MAPKAPK5: variants seen among roughly 807,000 people sequenced by gnomAD.
MAPKAPK5 encodes MAP kinase-activated protein kinase 5.
In MAPKAPK5, 30 loss-of-function variants were observed where a neutral mutation model predicts 65.1. That is an observed-to-expected ratio of 0.46 (90% CI 0.34 to 0.63). The LOEUF is 0.63. Ranked by LOEUF, MAPKAPK5 falls within the 20% of genes least tolerant of loss-of-function variation. MAPKAPK5 has a pLI of 0.01. For missense variants in MAPKAPK5, 433 were observed against 581.4 expected (o/e 0.74, Z 2.63); for synonymous variants, 179 against 204.6 (o/e 0.87, Z 1.07).
chr12:111,889,775 T>G, intron 12 of MAPKAPK5: 1 of 352,986 alleles, frequency 2.8e-6, no homozygotes, highest in South Asian at 3.5e-5. Flanking sequence ...CAATAGAGTC[T>G]GCCACAGCCT....
At chr12:111,860,629 T>A (rs2069407114) in intron 1 of MAPKAPK5, among the ~76,000 whole-genome samples, 1 of 152,162 alleles carries the variant, frequency 6.6e-6, no homozygotes, top group Admixed American at 6.5e-5. Context: ...ACCAGCTGAC[T>A]ATGCTGTAAG....
chr12:111,867,726 G>A, intron 4 of MAPKAPK5, 57 bp downstream of exon 4: 1 of 1,326,014 alleles, frequency 7.5e-7, no homozygotes, highest in Non-Finnish European at 1.1e-6. Context: ...GTGTAGTGGA[G>A]CTGTCCTCTC....
Position 111,883,819 on chromosome 12 carries a change from G to A in MAPKAPK5, c.848+51G>A, listed in dbSNP as rs980183007. On this transcript the variant is annotated intron_variant, in intron 9 of 13. Coordinates refer to ENST00000550735, the MANE Select transcript of MAPKAPK5 (RefSeq NM_003668.4). The surrounding 1 kb of genome is among the most constrained non-coding windows in gnomAD (Gnocchi z 4.8). ...GAGGCCAAGGAGGCCTCCAGGTGGT[G>A]GAGCACAAGGGAATGTGGGTAGAGA... is the stretch of plus-strand genomic sequence containing the variant. 6.4e-6 allele frequency: 10 copies of A among 1,561,856 alleles called. No individual in the cohort carries two copies. Among genetic ancestry groups the A allele is most frequent in the Admixed American group, 5.5e-5 (3 of 54,122 alleles).
chr12:111,889,032 GTGTC>G, intron 12 of MAPKAPK5, 32 bp downstream of exon 12: 2 of 1,552,242 alleles, frequency 1.3e-6, no homozygotes, highest in Admixed American at 2.0e-5. Flanking sequence ...AATCCTCTGT[GTGTC>G]TGTGAGTGTG....
At chr12:111,870,564 C>T (rs1460039689) in intron 6 of MAPKAPK5, among the ~76,000 whole-genome samples, 4 of 152,126 alleles carry the variant, frequency 2.6e-5, no homozygotes, top group Non-Finnish European at 5.9e-5. Flanking sequence ...TTGGATGATA[C>T]TGATATGTAT....
chr12:111,874,936 G>A (rs953686477), intron 7 of MAPKAPK5, among the ~76,000 whole-genome samples: 2 of 151,728 alleles, frequency 1.3e-5, no homozygotes, highest in Non-Finnish European at 1.5e-5. Flanking sequence ...CACCACGCCC[G>A]GCTAATTTTT....
At chr12:111,864,487 C>T (rs927531556) in intron 1 of MAPKAPK5, among the ~76,000 whole-genome samples, 9 of 151,630 alleles carry the variant, frequency 5.9e-5, no homozygotes, top group Non-Finnish European at 7.4e-5. Flanking sequence ...GGTGTGAGCC[C>T]GGCCGAGACC....
intron 7 of MAPKAPK5, among the ~76,000 whole-genome samples, chr12:111,875,845 T>C (rs2069944995): frequency 6.6e-6 from 1 of 152,096 alleles, no homozygotes; most frequent in African/African-American, 2.4e-5. Context: ...CATCTCTCCT[T>C]GGAAGGGCCT....
rs1374708666 is a variant in MAPKAPK5 at position 111,845,402 on chromosome 12, C to T, written c.36+2633C>T. Among the ~76,000 whole-genome samples, 11 of 152,050 alleles carry T rather than the reference C, an allele frequency of 7.2e-5. No homozygotes were observed. In the East Asian group the frequency reaches 7.7e-4, roughly 11 times the overall value. On this transcript the variant is annotated intron_variant, in intron 1 of 13. Transcript: ENST00000550735. Reference sequence around the variant, plus strand: ...AACTCCTGACCTCAGGTTATCTGTCCGCCTTGGCCTCCCAAAGTGTTGGGA... The same window carrying T: ...AACTCCTGACCTCAGGTTATCTGTCTGCCTTGGCCTCCCAAAGTGTTGGGA...
chr12:111,856,597 G>T (rs1290881877), intron 1 of MAPKAPK5, among the ~76,000 whole-genome samples: 1 of 151,686 alleles, frequency 6.6e-6, no homozygotes, highest in Non-Finnish European at 1.5e-5. Context: ...AGTAGAGATG[G>T]GGTTTCACCA....
rs1214194469 is a variant in MAPKAPK5, at chr12:111,900,327, G to A, written c.*7266G>A. On this transcript the variant is annotated 3_prime_UTR_variant, in exon 14 of 14. Transcript: ENST00000550735. ...GGCAGCTGTTGAATCCTTCCATCAT[G>A]AAGATGTGCTGTTGTTTGCAGCCCT... is the stretch of plus-strand genomic sequence containing the variant. The A allele has an allele frequency of 3.1e-5, 14 of 456,082 alleles. No individual in the cohort carries two copies. The highest frequency in any genetic ancestry group is 2.2e-4 in the South Asian group (14 of 64,560). The allele number at this position is 456,082 out of a possible 1,614,324, so 28.3% of individuals were successfully genotyped here.
chr12:111,899,666 G>C lies in MAPKAPK5; in HGVS notation c.*6605G>C, dbSNP rs368556564. Reference sequence around the variant, plus strand: ...ACAGTTACCACAATGGCCTCCTGGGGCAAGAATCGCCTTTCATCTCACATG... The same window carrying C: ...ACAGTTACCACAATGGCCTCCTGGGCCAAGAATCGCCTTTCATCTCACATG... On this transcript the variant is annotated 3_prime_UTR_variant, in exon 14 of 14. Transcript: ENST00000550735. 3.4e-6 allele frequency: 1 copy of C among 296,178 alleles called. No individual in the cohort carries two copies. Among genetic ancestry groups the C allele is most frequent in the South Asian group, 3.1e-5 (1 of 32,688 alleles). The allele number at this position is 296,178 out of a possible 1,614,324, so 18.3% of individuals were successfully genotyped here.
intron 1 of MAPKAPK5, among the ~76,000 whole-genome samples, chr12:111,850,493 G>A (rs2069045794): frequency 6.6e-6 from 1 of 152,156 alleles, no homozygotes; most frequent in Admixed American, 6.6e-5. Flanking sequence ...GCAAAGGATG[G>A]TTTGATAACT....
At chr12:111,878,338 T>G (rs1440244615) in intron 7 of MAPKAPK5, among the ~76,000 whole-genome samples, 1 of 152,084 alleles carries the variant, frequency 6.6e-6, no homozygotes, top group Non-Finnish European at 1.5e-5. Context: ...GCATGAGGTA[T>G]GGATCCAAGT....
At chr12:111,871,389 C>T (rs531043444) in intron 7 of MAPKAPK5, among the ~76,000 whole-genome samples, 46 of 152,022 alleles carry the variant, frequency 3.0e-4, no homozygotes, top group African/African-American at 1.1e-3. Context: ...GCCTTTAATC[C>T]CAGCACTTTG....
intron 1 of MAPKAPK5, among the ~76,000 whole-genome samples, chr12:111,853,181 C>A (rs1325288421): frequency 6.6e-6 from 1 of 151,630 alleles, no homozygotes; most frequent in Non-Finnish European, 1.5e-5. Context: ...CTGGCTAACA[C>A]AGTGAAACCC....
chr12:111,877,911 C>T (rs531709341), intron 7 of MAPKAPK5, among the ~76,000 whole-genome samples: 24 of 151,814 alleles, frequency 1.6e-4, no homozygotes, highest in African/African-American at 4.8e-4. Context: ...AGGCTGGTCT[C>T]GAACTTCTGG....
intron 12 of MAPKAPK5, 105 bp from the exon 13 acceptor site, chr12:111,889,935 G>T: frequency 1.4e-6 from 1 of 706,538 alleles, no homozygotes; most frequent in Non-Finnish European, 2.5e-6. Context: ...TGCACATTCA[G>T]TCAACATTTT....
At position 111,900,875 on chromosome 12, in the gene MAPKAPK5, T is replaced by C; in HGVS notation, c.*7814T>C. 1 of 456,068 alleles carries C rather than the reference T, an allele frequency of 2.2e-6. No individual in the cohort carries two copies. 28.3% of individuals were successfully genotyped at this position (456,068 alleles called of 1,614,324 possible). A position where few individuals can be genotyped will look rare whatever the true frequency, so the allele number is the denominator to read the frequency against. On this transcript the variant is annotated 3_prime_UTR_variant, in exon 14 of 14. Transcript: ENST00000550735. Reference sequence around the variant, plus strand: ...TTAAAGTTCATTGTATGGACCCTAATAATCAGTGCTTACAATTATATGGAT... The same window carrying C: ...TTAAAGTTCATTGTATGGACCCTAACAATCAGTGCTTACAATTATATGGAT...
Sources: allele counts gnomAD v4.1 joint callset (sites outside exome capture counted in the v4.1 genomes callset), GRCh38; gene constraint gnomAD v4.1.1; non-coding constraint Gnocchi (gnomAD v3.1); transcripts MANE v1.5; gene names NCBI Gene and HGNC (gene_info 2026-07-23, HGNC 2026-07-21).